Variants in RPS6KA5 observed in about 807,000 individuals in gnomAD.
RPS6KA5 encodes ribosomal protein S6 kinase A5.
RPS6KA5 carries 27 observed loss-of-function variants against 85.5 expected under a neutral mutation model. The observed-to-expected ratio is 0.32, with a 90% CI of 0.23 to 0.44. The LOEUF is 0.44. Among genes scored for constraint, RPS6KA5 ranks in the 20% least tolerant of loss-of-function variants. The probability of loss-of-function intolerance (pLI) is 1.00; values close to 1 mark genes in which losing one functional copy is unlikely to be tolerated. For synonymous variants in RPS6KA5, 334 were observed against 348.2 expected, an observed-to-expected ratio of 0.96 and a Z score of 0.46; for missense variants, 811 against 980.9, an observed-to-expected ratio of 0.83 and a Z score of 2.31.
rs969008880 is a variant in RPS6KA5 at position 90,858,380 on chromosome 14, G to A, written c.*13694C>T. On this transcript the variant is annotated 3_prime_UTR_variant, in exon 17 of 17. Coordinates refer to ENST00000614987, the MANE Select transcript of RPS6KA5 (RefSeq NM_004755.4). The stretch of plus-strand genomic sequence containing the variant: ...TGTTCGAGAATGATGTTAACATCAC[G>A]TGTAGGAATGCTACATTTTCTAGGA... 3.9e-5 allele frequency: 6 copies of A among 152,214 alleles called. No individual in the cohort carries two copies. The highest frequency in any genetic ancestry group is 3.9e-4 in the East Asian group (2 of 5,180). The allele number at this position is 152,214 out of a possible 1,614,324, so 9.4% of individuals were successfully genotyped here.
chr14:90,979,566 A>T (rs930388077), intron 2 of RPS6KA5, among the ~76,000 whole-genome samples: 1 of 152,204 alleles, frequency 6.6e-6, no homozygotes, highest in African/African-American at 2.4e-5. Context: ...CCACTAGAAG[A>T]AGGGAGCTTT....
In RPS6KA5 at chr14:90,996,641, C is replaced by T. The variant is rs1300324402; in HGVS notation, c.175+4447G>A. The stretch of plus-strand genomic sequence containing the variant: ...ATTGGGTTAATCAAAAGTATATAAA[C>T]AGTAGTTTCATTTGATCAATTGTAC... On this transcript the variant is annotated intron_variant, in intron 2 of 16. Transcript: ENST00000614987. Among the ~76,000 whole-genome samples, 7 of 152,024 alleles carry T rather than the reference C, an allele frequency of 4.6e-5. No homozygotes were observed. The East Asian group carries it at 1.4e-3, about 29-fold the overall frequency.
At chr14:91,018,018 T>G (rs949610150) in intron 1 of RPS6KA5, among the ~76,000 whole-genome samples, 5 of 152,202 alleles carry the variant, frequency 3.3e-5, no homozygotes, top group Non-Finnish European at 5.9e-5. Flanking sequence ...GGTATTACCA[T>G]GCCTTGTGAT....
chr14:90,943,236 T>A (rs917364627), intron 4 of RPS6KA5, 51 bp from the exon 5 acceptor site: 2 of 1,067,400 alleles, frequency 1.9e-6, no homozygotes, highest in South Asian at 1.4e-5. Context: ...AAAAAATGAA[T>A]TAGGGCAGTC....
chr14:90,888,365 T>C (rs1027796748), intron 14 of RPS6KA5, among the ~76,000 whole-genome samples: 1 of 152,178 alleles, frequency 6.6e-6, no homozygotes, highest in Admixed American at 6.5e-5. Flanking sequence ...AGAAAAGAAA[T>C]TACTAAAAAT....
At position 90,853,682 on chromosome 14, in the gene RPS6KA5, A is replaced by AAAC. The variant is rs1555353330; in HGVS notation, c.*18391_*18392insGTT. On this transcript the variant is annotated 3_prime_UTR_variant, in exon 17 of 17. Coordinates refer to ENST00000614987, the MANE Select transcript of RPS6KA5 (RefSeq NM_004755.4). ...CTACTAAAAATACAAAAAAAAAAAA[A>AAAC]AAAACCCTAAAATTTAACACTATGA... 6.6e-6 allele frequency: 1 copy of AAAC among 151,298 alleles called. No homozygotes were observed. The highest frequency in any genetic ancestry group is 1.5e-5 in the Non-Finnish European group (1 of 67,770). 9.4% of individuals were successfully genotyped at this position (151,298 alleles called of 1,614,324 possible). A position where few individuals can be genotyped will look rare whatever the true frequency, so the allele number is the denominator to read the frequency against.
chr14:90,969,557 A>C (rs1175296027), intron 3 of RPS6KA5, among the ~76,000 whole-genome samples: 5 of 152,238 alleles, frequency 3.3e-5, no homozygotes, highest in Non-Finnish European at 5.9e-5. Flanking sequence ...TTTTAAGGCT[A>C]TGTCTTGCTC....
At position 90,872,261 on chromosome 14, in the gene RPS6KA5, G is replaced by C; in HGVS notation, c.2222C>G (p.Ala741Gly). The C allele has an allele frequency of 6.2e-7, 1 of 1,613,954 alleles. No individual in the cohort carries two copies. The highest frequency in any genetic ancestry group is 8.5e-7 in the Non-Finnish European group (1 of 1,179,994). The change falls in exon 17 of 17, where the codon GCT (alanine) becomes GGT (glycine). Residue 741 changes from alanine (A) to glycine (G), a missense_variant. By Grantham distance (60) the Ala-to-Gly change is moderately conservative (BLOSUM62 0). This residue lies in a region of RPS6KA5 where 650 missense variants were observed against 793.4 expected (regional missense o/e 0.82). Transcript: ENST00000614987. Reference protein sequence around the residue: ...CLQNVDKAPLAKRRKMKKTST... With the variant: ...CLQNVDKAPLGKRRKMKKTST... ...AGTCTTTTTCATTTTTCTTCTCTTA[G>C]CCAAAGGGGCCTTATCAACATTCTG...
intron 5 of RPS6KA5, among the ~76,000 whole-genome samples, chr14:90,936,133 T>G (rs1409908259): frequency 2.6e-5 from 4 of 152,216 alleles, no homozygotes; most frequent in Non-Finnish European, 4.4e-5. Flanking sequence ...TTTCAGAATC[T>G]CAAGAGCTTG....
At chr14:90,930,445 A>G (rs2140317244) in intron 5 of RPS6KA5, among the ~76,000 whole-genome samples, 1 of 152,308 alleles carries the variant, frequency 6.6e-6, no homozygotes, top group Middle Eastern at 3.4e-3. Context: ...CCTGGAAGAA[A>G]ATACATGGGA....
At chr14:90,921,452 T>G (rs1169739421) in intron 6 of RPS6KA5, among the ~76,000 whole-genome samples, 2 of 152,238 alleles carry the variant, frequency 1.3e-5, no homozygotes, top group Non-Finnish European at 2.9e-5. Context: ...TAAGATTTTC[T>G]TATGTGAAAA....
chr14:90,968,560 CATG>C (rs1369915233), intron 3 of RPS6KA5, among the ~76,000 whole-genome samples: 1 of 151,992 alleles, frequency 6.6e-6, no homozygotes, highest in East Asian at 1.9e-4. Flanking sequence ...CTTCTACCTC[CATG>C]ATAACACCAT....
intron 14 of RPS6KA5, among the ~76,000 whole-genome samples, chr14:90,879,781 ATTTTT>A (rs10609342): frequency 3.1e-5 from 4 of 128,966 alleles, no homozygotes; most frequent in Admixed American, 7.7e-5. Flanking sequence ...TCCACTCCTA[ATTTTT>A]TTTTTTTTTT....
At chr14:90,881,743 C>T (rs1490671011) in intron 14 of RPS6KA5, among the ~76,000 whole-genome samples, 2 of 152,042 alleles carry the variant, frequency 1.3e-5, no homozygotes, top group Non-Finnish European at 1.5e-5. Context: ...TCAAGCGACT[C>T]GCCTGCCTCG....
intron 14 of RPS6KA5, among the ~76,000 whole-genome samples, chr14:90,886,173 TAG>T (rs138943836): frequency 2.0e-5 from 3 of 152,084 alleles, no homozygotes; most frequent in South Asian, 2.1e-4. Context: ...TAGAAATAAT[TAG>T]AGAGAAAGAA....
intron 2 of RPS6KA5, among the ~76,000 whole-genome samples, chr14:90,981,714 T>C (rs2039796431): frequency 6.6e-6 from 1 of 152,252 alleles, no homozygotes; most frequent in Admixed American, 6.5e-5. Flanking sequence ...TTTTTACTTT[T>C]ATAATTGCCA....
At chr14:91,036,236 A>G (rs1043862948) in intron 1 of RPS6KA5, among the ~76,000 whole-genome samples, 10 of 152,244 alleles carry the variant, frequency 6.6e-5, no homozygotes, top group African/African-American at 2.4e-4. Flanking sequence ...GCTCCAGACC[A>G]CTGAGGACTT....
intron 7 of RPS6KA5, among the ~76,000 whole-genome samples, chr14:90,917,454 A>G (rs1038660204): frequency 1.3e-5 from 2 of 152,274 alleles, no homozygotes; most frequent in East Asian, 1.9e-4. Context: ...TCTAAGTTTG[A>G]TAAGTTTTGA....
intron 3 of RPS6KA5, among the ~76,000 whole-genome samples, chr14:90,968,064 A>G (rs968791190): frequency 6.6e-6 from 1 of 152,232 alleles, no homozygotes; most frequent in African/African-American, 2.4e-5. Context: ...GAAGTCTGAC[A>G]TGGACATCAC....
Sources: allele counts gnomAD v4.1 joint callset (sites outside exome capture counted in the v4.1 genomes callset), GRCh38; gene constraint gnomAD v4.1.1; regional missense constraint gnomAD v4.1.1; transcripts MANE v1.5; gene names NCBI Gene and HGNC (gene_info 2026-07-23, HGNC 2026-07-21).